Variants in TRPM3 observed in about 807,000 individuals in gnomAD.
TRPM3 encodes the protein transient receptor potential cation channel subfamily M member 3, also known as long transient receptor potential channel 3.
Under a neutral mutation model 181.2 loss-of-function variants are expected in TRPM3, and 77 were observed. That is an observed-to-expected ratio of 0.42 (90% CI 0.35 to 0.51). The LOEUF is 0.51. Among genes scored for constraint, TRPM3 ranks in the 20% least tolerant of loss-of-function variants. The probability of loss-of-function intolerance (pLI) is 0.01; values close to 1 mark genes in which losing one functional copy is unlikely to be tolerated. For synonymous variants in TRPM3, 745 were observed against 796.4 expected (o/e 0.94, Z 1.09); for missense variants, 1,759 against 2,196.7 (o/e 0.80, Z 3.98).
intron 9 of TRPM3, among the ~76,000 whole-genome samples, chr9:70,645,278 T>C (rs747367579): frequency 6.6e-5 from 10 of 152,162 alleles, no homozygotes; most frequent in Non-Finnish European, 1.3e-4. Flanking sequence ...ATAACAAACC[T>C]GGAGGCATCA....
chr9:70,842,996 GACTT>G lies in TRPM3; in HGVS notation c.801+3_801+6del. ...AGTCATGGAAAGCGACAGCACTCAG[GACTT>G]ACATCTCTTCCAATGAGGTCCTCCT... On this transcript the variant is annotated splice_donor_5th_base_variant and intron_variant, in intron 5 of 25. Transcript: ENST00000677713. The G allele has an allele frequency of 6.2e-7, 1 of 1,613,168 alleles. No homozygotes were observed. Among genetic ancestry groups the G allele is most frequent in the Non-Finnish European group, 8.5e-7 (1 of 1,179,656 alleles).
chr9:71,100,156 T>A (rs1315339357), intron 1 of TRPM3, among the ~76,000 whole-genome samples: 1 of 152,206 alleles, frequency 6.6e-6, no homozygotes, highest in Non-Finnish European at 1.5e-5. Context: ...GATTTTTAGA[T>A]CTCAAATTTT....
intron 22 of TRPM3, chr9:70,579,484 A>T (rs569780814): frequency 3.9e-5 from 6 of 152,310 alleles, no homozygotes; most frequent in African/African-American, 1.4e-4. Context: ...TTTGATTTGG[A>T]TGAACTAATG....
At chr9:71,033,727 A>G (rs1322409067) in intron 1 of TRPM3, among the ~76,000 whole-genome samples, 1 of 152,170 alleles carries the variant, frequency 6.6e-6, no homozygotes, top group East Asian at 1.9e-4. Context: ...TTGGGGTTGC[A>G]TGGTTTGTTG....
intron 1 of TRPM3, among the ~76,000 whole-genome samples, chr9:70,879,940 T>C (rs1415250207): frequency 1.3e-5 from 2 of 152,130 alleles, no homozygotes; most frequent in East Asian, 1.9e-4. Flanking sequence ...GGTTTTTCTG[T>C]TAGAATCTGG....
At chr9:70,874,290 T>C (rs1344774252) in intron 1 of TRPM3, among the ~76,000 whole-genome samples, 2 of 152,014 alleles carry the variant, frequency 1.3e-5, no homozygotes, top group Non-Finnish European at 2.9e-5. Context: ...TAATATGTTA[T>C]ATTTATAAAT....
At chr9:70,952,747 G>A (rs923555505) in intron 1 of TRPM3, among the ~76,000 whole-genome samples, 2 of 152,090 alleles carry the variant, frequency 1.3e-5, no homozygotes, top group Non-Finnish European at 1.5e-5. Flanking sequence ...AATCTTGTGG[G>A]GGATTGTTGG....
At chr9:70,768,848 T>C (rs138046472) in intron 7 of TRPM3, among the ~76,000 whole-genome samples, 305 of 152,328 alleles carry the variant, frequency 2.0e-3, no homozygotes, top group African/African-American at 7.0e-3. Flanking sequence ...TCTTTAAGGC[T>C]TCATCTTCTC....
At chr9:71,025,142 C>G (rs773532362) in intron 1 of TRPM3, among the ~76,000 whole-genome samples, 3 of 152,192 alleles carry the variant, frequency 2.0e-5, no homozygotes, top group Non-Finnish European at 1.5e-5. Flanking sequence ...AAAAATGTAT[C>G]ATAGGTAATG....
rs71507012 is a variant in TRPM3 at position 70,793,455 on chromosome 9, C to CAAAA, written c.974-9180_974-9177dup. On this transcript the variant is annotated intron_variant, in intron 6 of 25. Coordinates refer to ENST00000677713, the MANE Select transcript of TRPM3 (RefSeq NM_001366145.2). Reference sequence around the variant, plus strand: ...TCAGTGACAGAGTGAGGCTTTGTCTCAAAAAAAAAAAAAAATATATATATA... The same window carrying CAAAA: ...TCAGTGACAGAGTGAGGCTTTGTCTCAAAAAAAAAAAAAAAAAAATATATATATA... The CAAAA allele has an allele frequency of 4.6e-3, 495 of 106,886 alleles. 3 individuals carry two copies. Among genetic ancestry groups the CAAAA allele is most frequent in the African/African-American group, 0.015 (405 of 26,350 alleles). The allele number at this position is 106,886 out of a possible 1,614,324, so 6.6% of individuals were successfully genotyped here. A position where few individuals can be genotyped will look rare whatever the true frequency, so the allele number is the denominator to read the frequency against.
At chr9:70,894,445 A>G (rs1291503557) in intron 1 of TRPM3, among the ~76,000 whole-genome samples, 1 of 151,950 alleles carries the variant, frequency 6.6e-6, no homozygotes, top group Non-Finnish European at 1.5e-5. Context: ...TTTGTATCTC[A>G]TGGATACAAA....
intron 1 of TRPM3, among the ~76,000 whole-genome samples, chr9:70,907,064 AAC>A (rs1317516157): frequency 3.9e-5 from 6 of 152,370 alleles, no homozygotes; most frequent in Non-Finnish European, 7.3e-5. Flanking sequence ...CTTACTTTAT[AAC>A]ACAGTTTATT....
chr9:70,761,603 A>G lies in TRPM3; in HGVS notation c.1270T>C (p.Leu424=), dbSNP rs2078162868. ...ILMECMKKKE[L]ITVFRMGSEG... ...GCCACCCATGCGGAATTACCTACCA[A>G]TTCCTTCTTCTTCATGCACTCCATG... Residue 424 remains leucine (L), a splice_region_variant and synonymous_variant, in exon 8 of 26, where the codon TTG becomes CTG. Coordinates refer to ENST00000677713, the MANE Select transcript of TRPM3 (RefSeq NM_001366145.2). 1.2e-6 allele frequency: 2 copies of G among 1,613,988 alleles called. No individual in the cohort carries two copies. The highest frequency in any genetic ancestry group is 2.2e-5 in the East Asian group (1 of 44,822).
intron 1 of TRPM3, among the ~76,000 whole-genome samples, chr9:70,882,686 G>A (rs7021289): frequency 6.6e-6 from 1 of 151,906 alleles, no homozygotes; most frequent in South Asian, 2.1e-4. Flanking sequence ...TTATCATCCT[G>A]TTCTCAAGTT....
At chr9:71,407,901 T>C (rs763741994) in intron 1 of TRPM3, among the ~76,000 whole-genome samples, 1 of 152,142 alleles carries the variant, frequency 6.6e-6, no homozygotes, top group African/African-American at 2.4e-5. Context: ...GCAGCAACAT[T>C]TGCTGTTCTG....
intron 4 of TRPM3, among the ~76,000 whole-genome samples, chr9:70,843,826 C>A (rs1486953177): frequency 2.0e-5 from 3 of 152,126 alleles, no homozygotes; most frequent in African/African-American, 7.2e-5. Context: ...ATTTCTAATT[C>A]TCTTAACCTC....
chr9:70,657,228 C>T (rs1444072917), intron 9 of TRPM3, among the ~76,000 whole-genome samples: 1 of 146,790 alleles, frequency 6.8e-6, no homozygotes, highest in East Asian at 2.0e-4. Context: ...AGCTTGTACA[C>T]CACTAAATAA....
chr9:70,783,654 A>G (rs1031781196), intron 7 of TRPM3, among the ~76,000 whole-genome samples: 2 of 152,206 alleles, frequency 1.3e-5, no homozygotes, highest in East Asian at 3.8e-4. Context: ...TCTACCACAT[A>G]TCTTCACAGT....
intron 1 of TRPM3, among the ~76,000 whole-genome samples, chr9:71,221,201 T>G (rs2080218996): frequency 6.6e-6 from 1 of 152,244 alleles, no homozygotes; most frequent in Non-Finnish European, 1.5e-5. Context: ...CCTGTTCTGT[T>G]CTACTCTCAA....
Sources: allele counts gnomAD v4.1 joint callset (sites outside exome capture counted in the v4.1 genomes callset), GRCh38; gene constraint gnomAD v4.1.1; transcripts MANE v1.5; gene names NCBI Gene and HGNC (gene_info 2026-07-23, HGNC 2026-07-21).